Variants in PKN2 observed in about 807,000 individuals in gnomAD.
PKN2 encodes protein kinase N2.
PKN2 carries 38 observed loss-of-function variants against 119.1 expected under a neutral mutation model. The ratio of observed to expected loss-of-function variants is 0.32; its 90% CI spans 0.25 to 0.42. PKN2 has a LOEUF of 0.42. Ranked by LOEUF, PKN2 falls within the 10% of genes least tolerant of loss-of-function variation. The probability of loss-of-function intolerance (pLI) is 1.00; values close to 1 mark genes in which losing one functional copy is unlikely to be tolerated. For missense variants in PKN2, 850 were observed against 1,165.1 expected (o/e 0.73, Z 3.94); for synonymous variants, 390 against 384.9 (o/e 1.01, Z -0.15).
intron 1 of PKN2, among the ~76,000 whole-genome samples, chr1:88,702,915 G>T (rs1347387296): frequency 6.6e-6 from 1 of 152,166 alleles, no homozygotes; most frequent in Non-Finnish European, 1.5e-5. Flanking sequence ...GGTCAGGGAA[G>T]TCTTTAGCTA....
At chr1:88,771,324 G>C (rs890048599) in intron 4 of PKN2, 97 bp from the exon 5 acceptor site, 12 of 808,850 alleles carry the variant, frequency 1.5e-5, no homozygotes, top group African/African-American at 5.3e-5. Context: ...CTAAGTTATT[G>C]TAATGTTATA....
intron 1 of PKN2, among the ~76,000 whole-genome samples, chr1:88,732,684 CTTAGG>C (rs898205748): frequency 9.9e-5 from 15 of 152,014 alleles, no homozygotes; most frequent in African/African-American, 3.6e-4. Flanking sequence ...TAATTATTAT[CTTAGG>C]TTAGATTTCT....
At chr1:88,735,925 C>T (rs61371857) in intron 1 of PKN2, among the ~76,000 whole-genome samples, 10,138 of 151,910 alleles carry the variant, frequency 0.067, 675 homozygotes, top group African/African-American at 0.18. Context: ...AGCTTTCTTC[C>T]CATTTGTCAT....
intron 1 of PKN2, among the ~76,000 whole-genome samples, chr1:88,694,926 A>C (rs1190281466): frequency 3.3e-5 from 5 of 152,202 alleles, no homozygotes. Context: ...TCATGAGGTC[A>C]GGAGATCGAG....
At chr1:88,825,808 C>T (rs539826996) in intron 18 of PKN2, among the ~76,000 whole-genome samples, 1 of 152,140 alleles carries the variant, frequency 6.6e-6, no homozygotes, top group Non-Finnish European at 1.5e-5. Context: ...TCTTCAGTGG[C>T]TAGGATAAGG....
At chr1:88,752,160 TAGATGCATATTAATTTCTTCAA>T (rs1428277640) in intron 2 of PKN2, among the ~76,000 whole-genome samples, 1 of 152,184 alleles carries the variant, frequency 6.6e-6, no homozygotes, top group Non-Finnish European at 1.5e-5. Flanking sequence ...TTGGGAACTT[TAGATGCATATTAATTTCTTCAA>T]ATCTATCTCC....
intron 2 of PKN2, among the ~76,000 whole-genome samples, chr1:88,756,325 C>T (rs1669200693): frequency 6.6e-6 from 1 of 152,074 alleles, no homozygotes; most frequent in Non-Finnish European, 1.5e-5. Context: ...TAAGACAAGC[C>T]ATTTTATTGT....
rs557407084 is a variant in PKN2, at chr1:88,773,985, A to G, written c.985+2106A>G. Among the ~76,000 whole-genome samples, 12 of 152,278 alleles carry G rather than the reference A, an allele frequency of 7.9e-5. No homozygotes were observed. The South Asian group carries it at 1.9e-3, about 24-fold the overall frequency. On this transcript the variant is annotated intron_variant, in intron 6 of 21. Coordinates refer to ENST00000370521, the MANE Select transcript of PKN2 (RefSeq NM_006256.4). ...TGACCAACTGTCTACAGATTCCAGG[A>G]TTTCTACTAGCATCTCAGCTCAGTA...
rs201281576 is a variant in PKN2, at chr1:88,807,157, GA to G, written c.1804-147del. Reference sequence around the variant, plus strand: ...ATAGTGAGACCCACCTCTAAAAAAAGAAAAAAAAATTTTTTTAAAGAATGAG... The same window carrying G: ...ATAGTGAGACCCACCTCTAAAAAAAGAAAAAAAATTTTTTTAAAGAATGAG... On this transcript the variant is annotated intron_variant, in intron 12 of 21. Coordinates refer to ENST00000370521, the MANE Select transcript of PKN2 (RefSeq NM_006256.4). 7.1e-3 allele frequency among the ~76,000 whole-genome samples: 1,077 copies of G among 151,566 alleles called. 14 individuals are homozygous for G. Among genetic ancestry groups the G allele is most frequent in the African/African-American group, 0.025 (1,025 of 41,386 alleles).
At chr1:88,744,803 A>G (rs1205298857) in intron 2 of PKN2, among the ~76,000 whole-genome samples, 1 of 152,236 alleles carries the variant, frequency 6.6e-6, no homozygotes, top group Non-Finnish European at 1.5e-5. Flanking sequence ...TTTTTATCAG[A>G]TGAACTTTTA....
At chr1:88,727,859 G>A (rs1244514107) in intron 1 of PKN2, among the ~76,000 whole-genome samples, 1 of 152,082 alleles carries the variant, frequency 6.6e-6, no homozygotes. Context: ...TTGCCAGATG[G>A]GAAGTCCAGA....
chr1:88,779,849 A>G lies in PKN2; in HGVS notation c.986-4790A>G, dbSNP rs531279094. ...CTAATTAGGATCAGTCTAAATGTGC[A>G]GTTCACAAATTGAGTGCTTAAATCT... On this transcript the variant is annotated intron_variant, in intron 6 of 21. Coordinates refer to ENST00000370521, the MANE Select transcript of PKN2 (RefSeq NM_006256.4). 3.9e-5 allele frequency among the ~76,000 whole-genome samples: 6 copies of G among 152,376 alleles called. 2 individuals carry two copies. Among genetic ancestry groups the G allele is most frequent in the African/African-American group, 1.4e-4 (6 of 41,594 alleles).
intron 2 of PKN2, among the ~76,000 whole-genome samples, chr1:88,752,022 T>C (rs1170338985): frequency 6.6e-6 from 1 of 152,132 alleles, no homozygotes; most frequent in African/African-American, 2.4e-5. Flanking sequence ...AGATTTCGTT[T>C]CATTTGATTT....
chr1:88,724,732 C>T lies in PKN2; in HGVS notation c.49-16256C>T, dbSNP rs527486929. On this transcript the variant is annotated intron_variant, in intron 1 of 21. Coordinates refer to ENST00000370521, the MANE Select transcript of PKN2 (RefSeq NM_006256.4). Reference sequence around the variant, plus strand: ...GATTACAGGTGCATGCCACCATGCCCGGCTAATTTTTGTATTTTTTAAGTA... The same window carrying T: ...GATTACAGGTGCATGCCACCATGCCTGGCTAATTTTTGTATTTTTTAAGTA... 1.4e-3 allele frequency among the ~76,000 whole-genome samples: 217 copies of T among 151,004 alleles called. No individual in the cohort carries two copies. In the Middle Eastern group the frequency reaches 0.024, roughly 17 times the overall value.
intron 8 of PKN2, among the ~76,000 whole-genome samples, chr1:88,789,021 CAGAG>C (rs1221107788): frequency 6.6e-6 from 1 of 152,082 alleles, no homozygotes; most frequent in African/African-American, 2.4e-5. Flanking sequence ...ATATTAGAAA[CAGAG>C]AAGAGCCCTG....
chr1:88,735,682 T>C (rs1474186043), intron 1 of PKN2, among the ~76,000 whole-genome samples: 9 of 145,126 alleles, frequency 6.2e-5, no homozygotes, highest in African/African-American at 2.3e-4. Flanking sequence ...ACTTATAAGG[T>C]TTCTGCTGAG....
At position 88,771,413 on chromosome 1, in the gene PKN2, C is replaced by G. The variant is rs1233117430; in HGVS notation, c.623-8C>G. The G allele has an allele frequency of 6.4e-7, 1 of 1,565,102 alleles. No homozygotes were observed. The highest frequency in any genetic ancestry group is 8.6e-7 in the Non-Finnish European group (1 of 1,164,262). On this transcript the variant is annotated splice_polypyrimidine_tract_variant and splice_region_variant and intron_variant, in intron 4 of 21. Coordinates refer to ENST00000370521, the MANE Select transcript of PKN2 (RefSeq NM_006256.4). ...ATGGTGCAATTAAAATTTTTTTTTC[C>G]TTTCTAGCAAAACCTGTGATAAGTC...
chr1:88,801,718 G>A (rs764941292), intron 8 of PKN2, among the ~76,000 whole-genome samples: 3 of 152,152 alleles, frequency 2.0e-5, no homozygotes, highest in Non-Finnish European at 2.9e-5. Flanking sequence ...AAGTCAGCAC[G>A]GAGACAAAGG....
At chr1:88,749,125 G>C (rs547540917) in intron 2 of PKN2, among the ~76,000 whole-genome samples, 4 of 152,240 alleles carry the variant, frequency 2.6e-5, no homozygotes, top group Admixed American at 6.5e-5. Flanking sequence ...AAATAGAGCA[G>C]CACCATCTTA....
Sources: gnomAD v4.1 joint callset for allele counts (sites outside exome capture counted in the v4.1 genomes callset) on GRCh38, gnomAD v4.1.1 for gene constraint, MANE v1.5 for transcripts, NCBI Gene and HGNC (gene_info 2026-07-23, HGNC 2026-07-21) for gene names.